DAOA: variants seen among roughly 807,000 people sequenced by gnomAD.
DAOA encodes the protein D-amino acid oxidase regulator.
A neutral mutation model predicts 16.4 loss-of-function variants in DAOA; 15 were observed. That is an observed-to-expected ratio of 0.91 (90% CI 0.61 to 1.41). The LOEUF (loss-of-function observed/expected upper bound fraction) is 1.41, where lower values mean the gene tolerates loss of function less well. Ranked by LOEUF, DAOA falls within the 40% of genes most tolerant of loss-of-function variation. The pLI is 0.00. For synonymous variants in DAOA, 75 were observed against 59.1 expected (o/e 1.27, Z -1.23); for missense variants, 230 against 176.8 (o/e 1.30, Z -1.71).
chr13:105,484,579 TA>T (rs1264072918), intron 4 of DAOA, among the ~76,000 whole-genome samples: 4 of 152,204 alleles, frequency 2.6e-5, no homozygotes, highest in Non-Finnish European at 5.9e-5. Flanking sequence ...TTTGCTATTA[TA>T]AGTACAATTT....
chr13:105,472,442 T>C (rs2139174113), intron 3 of DAOA, 96 bp from the exon 4 acceptor site: 1 of 1,417,192 alleles, frequency 7.1e-7, no homozygotes, highest in South Asian at 1.6e-5. Flanking sequence ...AAATGGACAA[T>C]TCCTACAATC....
intron 4 of DAOA, among the ~76,000 whole-genome samples, chr13:105,478,944 T>A (rs766275083): frequency 6.6e-6 from 1 of 152,220 alleles, no homozygotes; most frequent in Non-Finnish European, 1.5e-5. Context: ...GTGTTGCTTT[T>A]TGTCTCACAG....
chr13:105,490,161 C>CTCTGT lies in DAOA; in HGVS notation c.*81_*85dup. 4 of 1,463,796 alleles carry CTCTGT rather than the reference C, an allele frequency of 2.7e-6. No individual in the cohort carries two copies. Among genetic ancestry groups the CTCTGT allele is most frequent in the Non-Finnish European group, 3.6e-6 (4 of 1,102,340 alleles). The allele number at this position is 1,463,796 out of a possible 1,614,324, so 90.7% of individuals were successfully genotyped here. On this transcript the variant is annotated 3_prime_UTR_variant, in exon 5 of 6. Transcript: ENST00000375936. ...AACATCTTCACTGGACTCTGACGGA[C>CTCTGT]TCTGTGTCTGGGACCCAGCTGATAA...
chr13:105,466,444 T>A, intron 2 of DAOA, 112 bp downstream of exon 2: 1 of 1,562,678 alleles, frequency 6.4e-7, no homozygotes, highest in East Asian at 2.3e-5. Flanking sequence ...GTGGAACATG[T>A]CAGGGTTGGA....
At chr13:105,469,782 G>A (rs1253529967) in intron 3 of DAOA, among the ~76,000 whole-genome samples, 4 of 152,168 alleles carry the variant, frequency 2.6e-5, no homozygotes, top group Non-Finnish European at 5.9e-5. Context: ...TTTGTGATGT[G>A]TGGGGAACCA....
At chr13:105,486,999 T>C (rs1878157877) in intron 4 of DAOA, among the ~76,000 whole-genome samples, 1 of 152,090 alleles carries the variant, frequency 6.6e-6, no homozygotes, top group Non-Finnish European at 1.5e-5. Context: ...TCCAAACAAT[T>C]CCATGGGTAA....
intron 4 of DAOA, among the ~76,000 whole-genome samples, chr13:105,478,604 G>C (rs1484369947): frequency 6.6e-6 from 1 of 152,152 alleles, no homozygotes; most frequent in African/African-American, 2.4e-5. Context: ...ATTTAGACTA[G>C]AACCTTCTCT....
At chr13:105,469,676 T>C (rs1876789954) in intron 3 of DAOA, among the ~76,000 whole-genome samples, 1 of 152,196 alleles carries the variant, frequency 6.6e-6, no homozygotes. Context: ...TTAAAGTAAA[T>C]TCAAATGGTC....
chr13:105,487,672 A>G (rs1281324878), intron 4 of DAOA, among the ~76,000 whole-genome samples: 1 of 152,152 alleles, frequency 6.6e-6, no homozygotes, highest in African/African-American at 2.4e-5. Flanking sequence ...AGTGAAAACT[A>G]GAAAATTAAT....
At chr13:105,489,553 C>T (rs1474373474) in intron 4 of DAOA, among the ~76,000 whole-genome samples, 1 of 152,282 alleles carries the variant, frequency 6.6e-6, no homozygotes, top group South Asian at 2.1e-4. Flanking sequence ...GTCATACAAA[C>T]CCATTTTTTA....
At chr13:105,472,767 G>T in intron 4 of DAOA, 82 bp downstream of exon 4, 1 of 1,312,958 alleles carries the variant, frequency 7.6e-7, no homozygotes, top group Non-Finnish European at 1.0e-6. Flanking sequence ...AACTTCTCTG[G>T]GCTTTTTAAT....
At position 105,489,993 on chromosome 13, in the gene DAOA, C is replaced by G; in HGVS notation, c.374C>G (p.Pro125Arg). ...AYEASKDRRQPLERMWTCNYN... is the reference protein window; with the variant it reads ...AYEASKDRRQRLERMWTCNYN... ...GAGGCCTCTAAGGACCGCAGGCAGC[C>G]TCTAGAACGAATGTGGACCTGCAAC... The change falls in exon 5 of 6, where the codon CCT (proline) becomes CGT (arginine). Residue 125 changes from proline to arginine, a missense_variant. Pro to Arg is a moderately radical substitution (Grantham distance 103). Coordinates refer to ENST00000375936, the MANE Select transcript of DAOA (RefSeq NM_172370.5). The G allele has an allele frequency of 6.2e-7, 1 of 1,613,204 alleles. No individual in the cohort carries two copies. The highest frequency in any genetic ancestry group is 8.5e-7 in the Non-Finnish European group (1 of 1,179,682).
chr13:105,486,234 C>G (rs186203068), intron 4 of DAOA, among the ~76,000 whole-genome samples: 1 of 152,110 alleles, frequency 6.6e-6, no homozygotes, highest in African/African-American at 2.4e-5. Flanking sequence ...TTTCTTCATA[C>G]GCGCTCACTC....
chr13:105,476,781 C>A (rs966490349), intron 4 of DAOA, among the ~76,000 whole-genome samples: 1 of 151,576 alleles, frequency 6.6e-6, no homozygotes. Flanking sequence ...TAACTCAAAA[C>A]GTTTGAGTCT....
At chr13:105,471,747 A>G (rs1451384061) in intron 3 of DAOA, among the ~76,000 whole-genome samples, 2 of 72,796 alleles carry the variant, frequency 2.7e-5, no homozygotes, top group Non-Finnish European at 5.5e-5. Context: ...AATCCTTAGC[A>G]TTTTCACTGG....
At chr13:105,487,512 T>A (rs757652471) in intron 4 of DAOA, among the ~76,000 whole-genome samples, 1 of 151,904 alleles carries the variant, frequency 6.6e-6, no homozygotes, top group African/African-American at 2.4e-5. Context: ...CCCTGATACC[T>A]TTTCCCTTTG....
At chr13:105,487,915 G>T (rs1490669277) in intron 4 of DAOA, among the ~76,000 whole-genome samples, 1 of 152,090 alleles carries the variant, frequency 6.6e-6, no homozygotes, top group Non-Finnish European at 1.5e-5. Flanking sequence ...TTGAGATTTT[G>T]AATACTTTTG....
In DAOA at chr13:105,469,113, G is replaced by A. The variant is rs548648772; in HGVS notation, c.133+1972G>A. On this transcript the variant is annotated intron_variant, in intron 3 of 5. Transcript: ENST00000375936. ...AAGGCATCTACATTTTCTACAGGTA[G>A]GAGAGAGTTATCATCTCATTAGATA... Among the ~76,000 whole-genome samples the A allele has an allele frequency of 5.9e-5, 9 of 152,236 alleles. No individual in the cohort carries two copies. The East Asian group carries it at 1.5e-3, about 26-fold the overall frequency.
intron 4 of DAOA, among the ~76,000 whole-genome samples, chr13:105,479,069 C>T (rs1877533282): frequency 6.6e-6 from 1 of 152,300 alleles, no homozygotes; most frequent in African/African-American, 2.4e-5. Context: ...TTCAGTGGTG[C>T]ACAGGACCAT....
Sources: gnomAD v4.1 joint callset for allele counts (sites outside exome capture counted in the v4.1 genomes callset) on GRCh38, gnomAD v4.1.1 for gene constraint, MANE v1.5 for transcripts, NCBI Gene and HGNC (gene_info 2026-07-23, HGNC 2026-07-21) for gene names.